The following ATXN10 variants were observed in gnomAD, a reference collection of about 807,000 sequenced individuals.
ATXN10 encodes the protein ataxin-10.
Under a neutral mutation model 52.9 loss-of-function variants are expected in ATXN10, and 28 were observed. That is an observed-to-expected ratio of 0.53 (90% CI 0.39 to 0.73). ATXN10 has a LOEUF of 0.73. Ranked by LOEUF, ATXN10 falls within the 30% of genes least tolerant of loss-of-function variation. ATXN10 has a pLI of 0.00. For synonymous variants in ATXN10, 226 were observed against 221.5 expected, an observed-to-expected ratio of 1.02 and a Z score of -0.18; for missense variants, 565 against 577.0, an observed-to-expected ratio of 0.98 and a Z score of 0.21.
At chr22:45,798,044 T>C (rs1927805997) in intron 9 of ATXN10, among the ~76,000 whole-genome samples, 1 of 152,246 alleles carries the variant, frequency 6.6e-6, no homozygotes, top group Non-Finnish European at 1.5e-5. Flanking sequence ...AAAATGTTTC[T>C]ACAACAAAAT....
intron 3 of ATXN10, among the ~76,000 whole-genome samples, chr22:45,699,807 A>C (rs955893569): frequency 2.0e-5 from 3 of 147,746 alleles, no homozygotes; most frequent in Non-Finnish European, 4.5e-5. Context: ...AAGTTAATTA[A>C]TTTTGTATGT....
rs764454399 is a variant in ATXN10, at chr22:45,784,770, G to T, written c.1174-22189G>T. Reference sequence around the variant, plus strand: ...TTCCCAGCACGGGCTGGACACTTGAGCTCCCAGCAAGCCTTTATTTTTTTA... The same window carrying T: ...TTCCCAGCACGGGCTGGACACTTGATCTCCCAGCAAGCCTTTATTTTTTTA... On this transcript the variant is annotated intron_variant, in intron 9 of 11. Coordinates refer to ENST00000252934, the MANE Select transcript of ATXN10 (RefSeq NM_013236.4). The surrounding 1 kb of genome is among the most constrained non-coding windows in gnomAD (Gnocchi z 4.2). Among the ~76,000 whole-genome samples the T allele has an allele frequency of 6.6e-6, 1 of 152,210 alleles. No individual in the cohort carries two copies. The highest frequency in any genetic ancestry group is 1.5e-5 in the Non-Finnish European group (1 of 68,026).
intron 9 of ATXN10, among the ~76,000 whole-genome samples, chr22:45,761,582 GA>G (rs981223691): frequency 1.3e-5 from 2 of 152,146 alleles, no homozygotes; most frequent in African/African-American, 4.8e-5. Context: ...GTATAATCTC[GA>G]AAAGGTAAAA....
intron 1 of ATXN10, among the ~76,000 whole-genome samples, chr22:45,682,168 C>T (rs1420029219): frequency 6.6e-6 from 1 of 152,184 alleles, no homozygotes; most frequent in African/African-American, 2.4e-5. Context: ...CCTCCATTTC[C>T]CTGAGTGATA....
chr22:45,700,032 G>C (rs2146751644), intron 3 of ATXN10, among the ~76,000 whole-genome samples: 1 of 151,958 alleles, frequency 6.6e-6, no homozygotes, highest in Non-Finnish European at 1.5e-5. Flanking sequence ...GGCTGGTCTT[G>C]AACTCCTGGC....
At chr22:45,702,592 A>G in intron 4 of ATXN10, 97 bp from the exon 5 acceptor site, 2 of 1,110,870 alleles carry the variant, frequency 1.8e-6, no homozygotes, top group Non-Finnish European at 2.7e-6. Context: ...CCTCAAAAGT[A>G]TTAGCATGTA....
At chr22:45,777,124 A>G (rs1453064306) in intron 9 of ATXN10, among the ~76,000 whole-genome samples, 5 of 152,166 alleles carry the variant, frequency 3.3e-5, no homozygotes, top group African/African-American at 9.7e-5. Context: ...AAACTTTGCC[A>G]TGTTACTCCT....
intron 9 of ATXN10, among the ~76,000 whole-genome samples, chr22:45,796,680 G>A (rs184348191): frequency 3.3e-5 from 5 of 152,136 alleles, no homozygotes; most frequent in Admixed American, 6.6e-5. Context: ...TGGTTCCCCC[G>A]ATAGATGGGG....
chr22:45,751,514 CT>C (rs1171813429), intron 9 of ATXN10, among the ~76,000 whole-genome samples: 1 of 151,616 alleles, frequency 6.6e-6, no homozygotes, highest in Admixed American at 6.6e-5. Flanking sequence ...GTTTTTTCCC[CT>C]TTAAAGGAAT....
chr22:45,803,500 C>T (rs1378486137), intron 9 of ATXN10, among the ~76,000 whole-genome samples: 3 of 152,170 alleles, frequency 2.0e-5, no homozygotes, highest in Admixed American at 2.0e-4. Context: ...AGCGTGAAAA[C>T]CAACCTCAAT....
rs1027849169 is a variant in ATXN10, at chr22:45,762,794, G to C, written c.1173+22256G>C. 2.0e-5 allele frequency among the ~76,000 whole-genome samples: 3 copies of C among 152,180 alleles called. No individual in the cohort carries two copies. Among genetic ancestry groups the C allele is most frequent in the African/African-American group, 7.2e-5 (3 of 41,442 alleles). On this transcript the variant is annotated intron_variant, in intron 9 of 11. Transcript: ENST00000252934. The surrounding 1 kb of genome is among the most constrained non-coding windows in gnomAD (Gnocchi z 4.3). ...CCCTGCTGTGGAGCCCCCACTGACAGATGCCTTCCCCCTGTGTTTTGGCTC... is the reference window on the plus strand; with the variant it reads ...CCCTGCTGTGGAGCCCCCACTGACACATGCCTTCCCCCTGTGTTTTGGCTC...
intron 9 of ATXN10, among the ~76,000 whole-genome samples, chr22:45,746,675 T>TC (rs397934026): frequency 1.3e-5 from 2 of 151,794 alleles, no homozygotes; most frequent in African/African-American, 2.4e-5. Flanking sequence ...CTTCATACTT[T>TC]CCCTGAGTGA....
rs58484344 is a variant in ATXN10 at position 45,824,492 on chromosome 22, C to T, written c.1237+17470C>T. ...AGAGTAAACATAGGCACCATCTCTGCTGTGTCCCCCTTCCATAGTGATTGT... is the reference window on the plus strand; with the variant it reads ...AGAGTAAACATAGGCACCATCTCTGTTGTGTCCCCCTTCCATAGTGATTGT... On this transcript the variant is annotated intron_variant, in intron 10 of 11. Transcript: ENST00000252934. The surrounding 1 kb of genome is among the most constrained non-coding windows in gnomAD (Gnocchi z 5.2). Among the ~76,000 whole-genome samples, 1,222 of 152,306 alleles carry T rather than the reference C, an allele frequency of 8.0e-3. 10 individuals are homozygous for T. Among genetic ancestry groups the T allele is most frequent in the African/African-American group, 0.028 (1,143 of 41,552 alleles).
Position 45,842,199 on chromosome 22 carries a change from T to C in ATXN10, c.1238-792T>C, listed in dbSNP as rs1929367510. ...CTGCAGTAGTTTTTGTACAGTCCTT[T>C]ATAGAACTACATATAATAGCTTAAT... On this transcript the variant is annotated intron_variant, in intron 10 of 11. Coordinates refer to ENST00000252934, the MANE Select transcript of ATXN10 (RefSeq NM_013236.4). This position sits in a 1 kb window ranked among gnomAD's most constrained non-coding sequence, Gnocchi z 4.8. Among the ~76,000 whole-genome samples the C allele has an allele frequency of 3.3e-5, 5 of 152,158 alleles. No homozygotes were observed. Among genetic ancestry groups the C allele is most frequent in the Admixed American group, 3.3e-4 (5 of 15,284 alleles).
In ATXN10 at chr22:45,759,929, A is replaced by G. The variant is rs11912739; in HGVS notation, c.1173+19391A>G. Among the ~76,000 whole-genome samples the G allele has an allele frequency of 0.038, 5,781 of 152,278 alleles. 315 individuals carry two copies. Among genetic ancestry groups the G allele is most frequent in the African/African-American group, 0.12 (5,136 of 41,520 alleles). On this transcript the variant is annotated intron_variant, in intron 9 of 11. Coordinates refer to ENST00000252934, the MANE Select transcript of ATXN10 (RefSeq NM_013236.4). This position sits in a 1 kb window ranked among gnomAD's most constrained non-coding sequence, Gnocchi z 5.4. ...CAGTCAAGGTACAGAGAGCACCTCT[A>G]TCCCCTCAGAAAGTTTTTTCCATGC...
Position 45,720,881 on chromosome 22 carries a change from C to G in ATXN10, c.728+2388C>G, listed in dbSNP as rs1268633726. ...GGCTGGGAAGTCCAAGAACATGGCA[C>G]TGGCATTTGGTGAGGGCTCTCTTGC... On this transcript the variant is annotated intron_variant, in intron 6 of 11. Transcript: ENST00000252934. Among the ~76,000 whole-genome samples, 26 of 152,120 alleles carry G rather than the reference C, an allele frequency of 1.7e-4. 1 individual carries two copies. Among genetic ancestry groups the G allele is most frequent in the Admixed American group, 1.7e-3 (26 of 15,276 alleles).
rs572448340 is a variant in ATXN10, at chr22:45,840,451, A to G, written c.1238-2540A>G. On this transcript the variant is annotated intron_variant, in intron 10 of 11. Coordinates refer to ENST00000252934, the MANE Select transcript of ATXN10 (RefSeq NM_013236.4). The surrounding 1 kb of genome is among the most constrained non-coding windows in gnomAD (Gnocchi z 5.8). ...GACTGTGATACTTGCTGAGTCTCGA[A>G]GGCTAAGTGTGCCCCATGAGAAAGG... is the stretch of plus-strand genomic sequence containing the variant. 1.3e-5 allele frequency among the ~76,000 whole-genome samples: 2 copies of G among 152,314 alleles called. No homozygotes were observed. The highest frequency in any genetic ancestry group is 3.9e-4 in the East Asian group (2 of 5,180).
intron 3 of ATXN10, among the ~76,000 whole-genome samples, chr22:45,693,540 A>G (rs1395055713): frequency 2.0e-5 from 3 of 152,166 alleles, no homozygotes; most frequent in Non-Finnish European, 4.4e-5. Context: ...AATCCCATTC[A>G]CGAGGGCTGC....
Position 45,833,863 on chromosome 22 carries a change from G to A in ATXN10, c.1238-9128G>A, listed in dbSNP as rs1211966970. ...GCGAGAGCACACTTAGCAGCGATACGGCATCGCGATCAGGGGAGCGGATGC... is the reference window on the plus strand; with the variant it reads ...GCGAGAGCACACTTAGCAGCGATACAGCATCGCGATCAGGGGAGCGGATGC... On this transcript the variant is annotated intron_variant, in intron 10 of 11. Coordinates refer to ENST00000252934, the MANE Select transcript of ATXN10 (RefSeq NM_013236.4). This position sits in a 1 kb window ranked among gnomAD's most constrained non-coding sequence, Gnocchi z 4.3. Among the ~76,000 whole-genome samples, 2 of 152,132 alleles carry A rather than the reference G, an allele frequency of 1.3e-5. No individual in the cohort carries two copies. The highest frequency in any genetic ancestry group is 6.5e-5 in the Admixed American group (1 of 15,272).
Sources: gnomAD v4.1 joint callset for allele counts (sites outside exome capture counted in the v4.1 genomes callset) on GRCh38, gnomAD v4.1.1 for gene constraint, Gnocchi (gnomAD v3.1) non-coding constraint, MANE v1.5 for transcripts, NCBI Gene and HGNC (gene_info 2026-07-23, HGNC 2026-07-21) for gene names.